The following RGP1 variants were observed in gnomAD, a reference collection of about 807,000 sequenced individuals.
RGP1 encodes the protein RGP1 partner of RAB6A GEF complex, also known as RAB6A-GEF complex partner protein 2.
RGP1 carries 28 observed loss-of-function variants against 44.5 expected under a neutral mutation model. The ratio of observed to expected loss-of-function variants is 0.63; its 90% CI spans 0.47 to 0.86. The LOEUF (loss-of-function observed/expected upper bound fraction) is 0.86, where lower values mean the gene tolerates loss of function less well. Among genes scored for constraint, RGP1 ranks in the 40% least tolerant of loss-of-function variants. The pLI is 0.00. For missense variants in RGP1, 417 were observed against 490.7 expected, an observed-to-expected ratio of 0.85 and a Z score of 1.42; for synonymous variants, 212 against 196.7, an observed-to-expected ratio of 1.08 and a Z score of -0.65.
chr9:35,753,244 C>T lies in RGP1; in HGVS notation c.*370C>T. 1 of 1,614,108 alleles carries T rather than the reference C, an allele frequency of 6.2e-7. No individual in the cohort carries two copies. The highest frequency in any genetic ancestry group is 1.1e-5 in the South Asian group (1 of 91,080). On this transcript the variant is annotated 3_prime_UTR_variant, in exon 9 of 9. Coordinates refer to ENST00000378078, the MANE Select transcript of RGP1 (RefSeq NM_001080496.3). This position sits in a 1 kb window ranked among gnomAD's most constrained non-coding sequence, Gnocchi z 4.2. ...GGCAGGTTCCTGCCTCCTGACGTAC[C>T]TCACACCCAGCCGGGAAGTCGATGG...
the RGP1 span, chr9:35,772,047 G>A: frequency 6.6e-6 from 1 of 152,204 alleles, no homozygotes; most frequent in East Asian, 1.9e-4. Context: ...TCCTTGGGGA[G>A]TTGTACTACA....
rs759719735 is a variant in RGP1 at position 35,753,292 on chromosome 9, AG to A, written c.*420del. 6.2e-7 allele frequency: 1 copy of A among 1,612,008 alleles called. No individual in the cohort carries two copies. Among genetic ancestry groups the A allele is most frequent in the East Asian group, 2.2e-5 (1 of 44,878 alleles). The stretch of plus-strand genomic sequence containing the variant: ...TGGGATGCTGGGACCTGGGGAACCA[AG>A]GATAGGGGAAGGAGTCAGCACAGTG... On this transcript the variant is annotated 3_prime_UTR_variant, in exon 9 of 9. Transcript: ENST00000378078. The surrounding 1 kb of genome is among the most constrained non-coding windows in gnomAD (Gnocchi z 4.2).
chr9:35,779,765 G>A, the RGP1 span, among the ~76,000 whole-genome samples: 10 of 152,142 alleles, frequency 6.6e-5, no homozygotes, highest in East Asian at 1.5e-3. Flanking sequence ...TTTTAAGATG[G>A]GGTCTGTTGC....
chr9:35,775,775 T>G, the RGP1 span, among the ~76,000 whole-genome samples: 1 of 152,190 alleles, frequency 6.6e-6, no homozygotes, highest in African/African-American at 2.4e-5. Flanking sequence ...AGCAAACTCT[T>G]TTAAAAAAAT....
At position 35,749,295 on chromosome 9, in the gene RGP1, C is replaced by G. The variant is rs377707294; in HGVS notation, c.-133C>G. 26 of 515,574 alleles carry G rather than the reference C, an allele frequency of 5.0e-5. No individual in the cohort carries two copies. Among genetic ancestry groups the G allele is most frequent in the Non-Finnish European group, 9.9e-5 (25 of 252,122 alleles). The allele number at this position is 515,574 out of a possible 1,614,324, so 31.9% of individuals were successfully genotyped here. A position where few individuals can be genotyped will look rare whatever the true frequency, so the allele number is the denominator to read the frequency against. The stretch of plus-strand genomic sequence containing the variant: ...GTGGGGGACCGAAGGGAAGTCCCGC[C>G]TCTACCGCCCAGCGGACGCCGCCGC... On this transcript the variant is annotated 5_prime_UTR_variant, in exon 1 of 9. Coordinates refer to ENST00000378078, the MANE Select transcript of RGP1 (RefSeq NM_001080496.3). This position sits in a 1 kb window ranked among gnomAD's most constrained non-coding sequence, Gnocchi z 4.4.
chr9:35,761,298 T>C (rs1827414408), downstream of RGP1, among the ~76,000 whole-genome samples: 3 of 152,236 alleles, frequency 2.0e-5, no homozygotes. Flanking sequence ...TAGCTAAATG[T>C]CTTTACAATT....
In RGP1 at chr9:35,752,161, T is replaced by C; in HGVS notation, c.952+16T>C. The C allele has an allele frequency of 6.5e-7, 1 of 1,533,202 alleles. No individual in the cohort carries two copies. The highest frequency in any genetic ancestry group is 1.4e-5 in the African/African-American group (1 of 72,280). 95.0% of individuals were successfully genotyped at this position (1,533,202 alleles called of 1,614,324 possible). ...ACAGCCATTGGTGAGACCCTCACTG[T>C]TACTGGAGAAGGGAGAGGGGGACAG... On this transcript the variant is annotated intron_variant, in intron 8 of 8. Transcript: ENST00000378078.
Position 35,752,826 on chromosome 9 carries a change from G to T in RGP1, c.1128G>T (p.Leu376=). 6.2e-7 allele frequency: 1 copy of T among 1,613,814 alleles called. No homozygotes were observed. The highest frequency in any genetic ancestry group is 8.5e-7 in the Non-Finnish European group (1 of 1,179,848). The stretch of plus-strand genomic sequence containing the variant: ...AGGTGCTGCCTACTAGCCCCACCCT[G>T]GCCTCATATGCTGCCCCAGGCCCCA... ...PIKVLPTSPT[L]ASYAAPGPST... is the part of the protein sequence containing the mutation. Residue 376 remains leucine, a synonymous_variant, in exon 9 of 9, where the codon CTG becomes CTT. Coordinates refer to ENST00000378078, the MANE Select transcript of RGP1 (RefSeq NM_001080496.3).
rs1355147041 is a variant in RGP1 at position 35,756,353 on chromosome 9, C to T, written c.*3479C>T. The T allele has an allele frequency of 6.6e-6, 1 of 152,340 alleles. No individual in the cohort carries two copies. Among genetic ancestry groups the T allele is most frequent in the East Asian group, 1.9e-4 (1 of 5,208 alleles). The allele number at this position is 152,340 out of a possible 1,614,324, so 9.4% of individuals were successfully genotyped here. ...TCATCTCTTCACTGTTCAGAAATGA[C>T]TGTGTCAGTGCACCTCAAACTCCCT... On this transcript the variant is annotated 3_prime_UTR_variant, in exon 9 of 9. Transcript: ENST00000378078.
chr9:35,749,816 G>T lies in RGP1; in HGVS notation c.61G>T (p.Glu21Ter), dbSNP rs1304897072. 5.6e-6 allele frequency: 9 copies of T among 1,613,844 alleles called. No homozygotes were observed. The highest frequency in any genetic ancestry group is 1.3e-5 in the African/African-American group (1 of 74,912). The change falls in exon 2 of 9, where the codon GAG becomes TAG. Residue 21 changes from glutamate (E) to a stop codon, truncating the protein, a stop_gained. Coordinates refer to ENST00000378078, the MANE Select transcript of RGP1 (RefSeq NM_001080496.3). LOFTEE classifies it high-confidence loss of function. The surrounding 1 kb of genome is among the most constrained non-coding windows in gnomAD (Gnocchi z 4.4). ...TGTATTTTTGGCTGGGGAGGCGCTG[G>T]AGTGTGTAGTGACCGTCACCAACCC... ...GPVFLAGEAL[E>*]CVVTVTNPLP...
At chr9:35,760,637 C>A (rs1827409791), downstream of RGP1, among the ~76,000 whole-genome samples, 2 of 152,182 alleles carry the variant, frequency 1.3e-5, no homozygotes, top group Non-Finnish European at 1.5e-5. Context: ...ATTGCAGGTT[C>A]CTGAGCTTAT....
In RGP1 at chr9:35,752,967, G is replaced by C. The variant is rs1033482029; in HGVS notation, c.*93G>C. On this transcript the variant is annotated 3_prime_UTR_variant, in exon 9 of 9. Coordinates refer to ENST00000378078, the MANE Select transcript of RGP1 (RefSeq NM_001080496.3). ...CCACTTTTTCCACCTGGGGTCCAAT[G>C]TCGTGGACAGTGAGAGTCGGGCTTT... The C allele has an allele frequency of 2.6e-6, 4 of 1,523,202 alleles. No homozygotes were observed. In the African/African-American group the frequency reaches 5.5e-5, roughly 21 times the overall value. 94.4% of individuals were successfully genotyped at this position (1,523,202 alleles called of 1,614,324 possible). A position where few individuals can be genotyped will look rare whatever the true frequency, so the allele number is the denominator to read the frequency against.
the RGP1 span, among the ~76,000 whole-genome samples, chr9:35,769,920 T>A: frequency 4.6e-5 from 7 of 152,220 alleles, no homozygotes; most frequent in African/African-American, 7.2e-5. Flanking sequence ...TTTAATGTAG[T>A]TCAAATCTGC....
Position 35,751,126 on chromosome 9 carries a change from AG to A in RGP1, c.488-137del, listed in dbSNP as rs1827253325. On this transcript the variant is annotated intron_variant, in intron 5 of 8. Coordinates refer to ENST00000378078, the MANE Select transcript of RGP1 (RefSeq NM_001080496.3). ...GTGCTAGGGAGTTGGGAAGGGAGGG[AG>A]GGTTCTGGAGATAGAGATGTAAACC... The A allele has an allele frequency of 6.3e-6, 9 of 1,434,886 alleles. No individual in the cohort carries two copies. The Admixed American group carries it at 1.5e-4, about 24-fold the overall frequency. 88.9% of individuals were successfully genotyped at this position (1,434,886 alleles called of 1,614,324 possible).
chr9:35,749,979 C>A lies in RGP1; in HGVS notation c.116+108C>A. 1.1e-6 allele frequency: 1 copy of A among 913,942 alleles called. No individual in the cohort carries two copies. The highest frequency in any genetic ancestry group is 1.7e-6 in the Non-Finnish European group (1 of 586,668). The allele number at this position is 913,942 out of a possible 1,614,324, so 56.6% of individuals were successfully genotyped here. On this transcript the variant is annotated intron_variant, in intron 2 of 8. Coordinates refer to ENST00000378078, the MANE Select transcript of RGP1 (RefSeq NM_001080496.3). The surrounding 1 kb of genome is among the most constrained non-coding windows in gnomAD (Gnocchi z 4.4). ...CCTGTAGCGACACCACCTCCTCTTG[C>A]TCACTGTGCTGTCATTGTAGGAGAG...
the RGP1 span, among the ~76,000 whole-genome samples, chr9:35,788,094 T>C: frequency 1.3e-5 from 2 of 152,164 alleles, no homozygotes; most frequent in African/African-American, 4.8e-5. Flanking sequence ...ATCACGAAAA[T>C]TAGCATGAGC....
chr9:35,750,411 G>A (rs1243464975), intron 3 of RGP1, 32 bp downstream of exon 3: 8 of 1,610,636 alleles, frequency 5.0e-6, no homozygotes, highest in Non-Finnish European at 6.8e-6. Context: ...GGGAGAGGGG[G>A]GGTGCGGAGG....
the RGP1 span, among the ~76,000 whole-genome samples, chr9:35,783,203 AT>A: frequency 6.6e-6 from 1 of 151,990 alleles, no homozygotes; most frequent in African/African-American, 2.4e-5. Flanking sequence ...TTTTTATTTT[AT>A]TTTTAATTGA....
chr9:35,782,376 T>C, the RGP1 span, among the ~76,000 whole-genome samples: 2 of 152,250 alleles, frequency 1.3e-5, no homozygotes, highest in Non-Finnish European at 2.9e-5. Flanking sequence ...TTTTTGTTCA[T>C]GAGCTCCTTA....
Sources: allele counts gnomAD v4.1 joint callset (sites outside exome capture counted in the v4.1 genomes callset), GRCh38; gene constraint gnomAD v4.1.1; non-coding constraint Gnocchi (gnomAD v3.1); transcripts MANE v1.5; gene names NCBI Gene and HGNC (gene_info 2026-07-23, HGNC 2026-07-21).